The following ZMYND11 variants were observed in gnomAD, a reference collection of about 807,000 sequenced individuals.
ZMYND11 encodes zinc finger MYND domain-containing protein 11.
A neutral mutation model predicts 84.9 loss-of-function variants in ZMYND11; 9 were observed. That is an observed-to-expected ratio of 0.11 (90% CI 0.06 to 0.18). The LOEUF is 0.18. Among genes scored for constraint, ZMYND11 ranks in the 10% least tolerant of loss-of-function variants. The pLI is 1.00. For synonymous variants in ZMYND11, 250 were observed against 244.1 expected (o/e 1.02, Z -0.23); for missense variants, 409 against 761.0 (o/e 0.54, Z 5.44).
In ZMYND11 at chr10:181,477, G is replaced by C. The variant is rs1358285850; in HGVS notation, c.116+1349G>C. On this transcript the variant is annotated intron_variant, in intron 2 of 14. Coordinates refer to ENST00000381604, the MANE Select transcript of ZMYND11 (RefSeq NM_001370100.5). ...CTGCCAAAGATACAAAAATTAGCCT[G>C]GTGTGGTGGTGCACACCTGTGGTCC... is the stretch of plus-strand genomic sequence containing the variant. Among the ~76,000 whole-genome samples, 4 of 152,168 alleles carry C rather than the reference G, an allele frequency of 2.6e-5. No individual in the cohort carries two copies. The South Asian group carries it at 8.3e-4, about 32-fold the overall frequency.
intron 1 of ZMYND11, among the ~76,000 whole-genome samples, chr10:151,504 G>A (rs549928636): frequency 6.6e-5 from 10 of 152,126 alleles, no homozygotes; most frequent in Non-Finnish European, 1.5e-4. Flanking sequence ...TCCACAAGAG[G>A]AGTTTAGAGA....
intron 1 of ZMYND11, among the ~76,000 whole-genome samples, chr10:160,965 T>A (rs1004778662): frequency 1.3e-3 from 192 of 144,508 alleles, no homozygotes; most frequent in Admixed American, 4.4e-3. Flanking sequence ...TTTTTTTTTT[T>A]TTTTTTTTTT....
chr10:206,575 A>G lies in ZMYND11; in HGVS notation c.117-3314A>G, dbSNP rs147953313. Among the ~76,000 whole-genome samples, 363 of 152,204 alleles carry G rather than the reference A, an allele frequency of 2.4e-3. 2 individuals carry two copies. The highest frequency in any genetic ancestry group is 8.4e-3 in the African/African-American group (347 of 41,534). On this transcript the variant is annotated intron_variant, in intron 2 of 14. Transcript: ENST00000381604. ...GAATGATTTTTGCCTTGTTTTCCAA[A>G]TCCTATACACTTCCATCTTGACCCC...
intron 14 of ZMYND11, chr10:249,775 A>G: frequency 1.0e-6 from 1 of 984,676 alleles, no homozygotes; most frequent in Non-Finnish European, 1.2e-6. Flanking sequence ...ATGACTATAT[A>G]AAGTTTTGTG....
At chr10:179,583 A>T (rs546304131) in intron 1 of ZMYND11, among the ~76,000 whole-genome samples, 2 of 152,266 alleles carry the variant, frequency 1.3e-5, no homozygotes, top group Admixed American at 1.3e-4. Flanking sequence ...AGCCATGATT[A>T]TAATAAACTA....
At chr10:210,278 A>G (rs1446748063) in intron 3 of ZMYND11, among the ~76,000 whole-genome samples, 1 of 152,254 alleles carries the variant, frequency 6.6e-6, no homozygotes, top group Non-Finnish European at 1.5e-5. Flanking sequence ...TGAATCTAAA[A>G]AAGAAAGCAA....
chr10:140,934 A>G (rs1287768195), intron 1 of ZMYND11, among the ~76,000 whole-genome samples: 1 of 152,236 alleles, frequency 6.6e-6, no homozygotes, highest in Non-Finnish European at 1.5e-5. Flanking sequence ...AAGAAGTAGA[A>G]ATGACAAAAG....
intron 1 of ZMYND11, among the ~76,000 whole-genome samples, chr10:177,031 T>C (rs191862054): frequency 1.3e-5 from 2 of 152,338 alleles, no homozygotes; most frequent in East Asian, 3.9e-4. Context: ...CTCAAATTGC[T>C]GTTCTTTTCT....
chr10:175,462 G>A (rs1187595393), intron 1 of ZMYND11, among the ~76,000 whole-genome samples: 1 of 152,118 alleles, frequency 6.6e-6, no homozygotes, highest in African/African-American at 2.4e-5. Context: ...TAGCTACAAC[G>A]GGAGGCTGAT....
intron 4 of ZMYND11, among the ~76,000 whole-genome samples, chr10:229,316 A>G (rs867313173): frequency 4.6e-4 from 70 of 152,202 alleles, no homozygotes; most frequent in African/African-American, 1.6e-3. Flanking sequence ...GGATGTTCTA[A>G]GAATCCACCT....
intron 1 of ZMYND11, among the ~76,000 whole-genome samples, chr10:173,419 A>G (rs1845833257): frequency 6.6e-6 from 1 of 152,240 alleles, no homozygotes; most frequent in African/African-American, 2.4e-5. Context: ...AAACATACAA[A>G]GAACGTCTAA....
intron 1 of ZMYND11, among the ~76,000 whole-genome samples, chr10:149,868 A>G (rs1839892834): frequency 6.6e-6 from 1 of 152,126 alleles, no homozygotes; most frequent in Admixed American, 6.5e-5. Context: ...TGCTCCTCAG[A>G]TAGAGTGGTT....
At chr10:184,005 A>G (rs980939193) in intron 2 of ZMYND11, among the ~76,000 whole-genome samples, 3 of 152,208 alleles carry the variant, frequency 2.0e-5, no homozygotes, top group African/African-American at 7.2e-5. Flanking sequence ...AGGCCTTTGG[A>G]CAGAGTTATG....
At chr10:139,280 T>A (rs782820574) in intron 1 of ZMYND11, among the ~76,000 whole-genome samples, 4 of 152,252 alleles carry the variant, frequency 2.6e-5, no homozygotes, top group Non-Finnish European at 5.9e-5. Flanking sequence ...TTGCATTTTC[T>A]ATATTTCCTT....
At chr10:193,603 C>G (rs920623054) in intron 2 of ZMYND11, among the ~76,000 whole-genome samples, 5 of 152,222 alleles carry the variant, frequency 3.3e-5, no homozygotes, top group African/African-American at 1.2e-4. Flanking sequence ...AATAGCTCTG[C>G]TGTTAACCAG....
intron 12 of ZMYND11, among the ~76,000 whole-genome samples, chr10:247,784 G>T (rs1331169979): frequency 6.6e-6 from 1 of 152,174 alleles, no homozygotes. Flanking sequence ...TCCTAAGTAT[G>T]ATTAAAAACA....
At chr10:149,140 C>G (rs1839648711) in intron 1 of ZMYND11, among the ~76,000 whole-genome samples, 1 of 151,836 alleles carries the variant, frequency 6.6e-6, no homozygotes, top group Non-Finnish European at 1.5e-5. Flanking sequence ...TACGAATTTT[C>G]TAAAAAGAAA....
chr10:132,434 TGGG>T (rs1156401805), upstream of ZMYND11, among the ~76,000 whole-genome samples: 2 of 151,644 alleles, frequency 1.3e-5, no homozygotes, highest in African/African-American at 4.8e-5. Flanking sequence ...CTTGCTTTCT[TGGG>T]GGTCTGAGGA....
At chr10:169,996 A>G (rs542027494) in intron 1 of ZMYND11, among the ~76,000 whole-genome samples, 10 of 152,266 alleles carry the variant, frequency 6.6e-5, no homozygotes, top group Non-Finnish European at 1.5e-4. Context: ...AGCATACCAT[A>G]TTCAAATGTC....
Sources: allele counts gnomAD v4.1 joint callset (sites outside exome capture counted in the v4.1 genomes callset), GRCh38; gene constraint gnomAD v4.1.1; transcripts MANE v1.5; gene names NCBI Gene and HGNC (gene_info 2026-07-23, HGNC 2026-07-21).